The following HELQ variants were observed in gnomAD, a reference collection of about 807,000 sequenced individuals.
The protein encoded by HELQ is helicase POLQ-like.
HELQ carries 77 observed loss-of-function variants against 111.6 expected under a neutral mutation model. The observed-to-expected ratio is 0.69, with a 90% CI of 0.57 to 0.83. The LOEUF is 0.83. HELQ is among the 40% of genes least tolerant of loss of function. The pLI is 0.00. For missense variants in HELQ, 1,200 were observed against 1,288.5 expected, an observed-to-expected ratio of 0.93 and a Z score of 1.05; for synonymous variants, 438 against 454.7, an observed-to-expected ratio of 0.96 and a Z score of 0.47.
At chr4:83,440,241 A>C (rs973806603) in intron 7 of HELQ, among the ~76,000 whole-genome samples, 47 of 152,202 alleles carry the variant, frequency 3.1e-4, no homozygotes, top group Middle Eastern at 3.2e-3. Flanking sequence ...CTAAAAAAAA[A>C]CCTAGAATTA....
At chr4:83,422,736 G>A (rs932744182) in intron 14 of HELQ, among the ~76,000 whole-genome samples, 1 of 152,194 alleles carries the variant, frequency 6.6e-6, no homozygotes, top group African/African-American at 2.4e-5. Context: ...CCCATTTGTG[G>A]TAATTTGTTA....
intron 16 of HELQ, among the ~76,000 whole-genome samples, 158 bp downstream of exon 16, chr4:83,417,935 A>C (rs565787595): frequency 6.6e-6 from 1 of 152,238 alleles, no homozygotes; most frequent in Admixed American, 6.5e-5. Context: ...CTGGAAGGCC[A>C]TAACAGCTAT....
At chr4:83,412,426 G>C (rs895792347) in intron 17 of HELQ, among the ~76,000 whole-genome samples, 33 of 152,168 alleles carry the variant, frequency 2.2e-4, no homozygotes, top group Non-Finnish European at 3.7e-4. Context: ...TTCTTACAAT[G>C]ATGGGGCACT....
At chr4:83,417,550 G>A (rs143977365) in intron 16 of HELQ, among the ~76,000 whole-genome samples, 1 of 152,086 alleles carries the variant, frequency 6.6e-6, no homozygotes, top group African/African-American at 2.4e-5. Flanking sequence ...GGGACCACTG[G>A]TGTCTCTCTC....
chr4:83,408,275 C>T (rs936662479), intron 17 of HELQ, among the ~76,000 whole-genome samples: 47 of 151,306 alleles, frequency 3.1e-4, no homozygotes, highest in African/African-American at 8.2e-4. Flanking sequence ...CTTTTTTAGA[C>T]GGAGTCTTGT....
At position 83,453,256 on chromosome 4, in the gene HELQ, T is replaced by C. The variant is rs778304978; in HGVS notation, c.987A>G (p.Gln329=). The part of the protein sequence containing the change: ...LPSKVRDLYA[Q]FKGIEKLYEW... ...CATATAATTTTTCAATTCCCTTGAA[T>C]TGGGCATAAAGGTCTCTCACTTTGC... The change falls in exon 2 of 18, where the codon CAA becomes CAG. Residue 329 remains glutamine, a synonymous_variant. Coordinates refer to ENST00000295488, the MANE Select transcript of HELQ (RefSeq NM_133636.5). 3.1e-6 allele frequency: 5 copies of C among 1,607,368 alleles called. No individual in the cohort carries two copies. The highest frequency in any genetic ancestry group is 1.3e-5 in the African/African-American group (1 of 74,570).
chr4:83,433,089 T>C (rs1166395842), intron 9 of HELQ, among the ~76,000 whole-genome samples: 3 of 151,944 alleles, frequency 2.0e-5, no homozygotes, highest in African/African-American at 7.3e-5. Context: ...TCAATTATGT[T>C]CATATATACA....
chr4:83,447,556 C>T (rs146796256), intron 3 of HELQ, among the ~76,000 whole-genome samples: 64 of 152,104 alleles, frequency 4.2e-4, no homozygotes, highest in African/African-American at 1.3e-3. Context: ...TTTCAACTGG[C>T]GCCTTTGATA....
chr4:83,419,268 A>C (rs1183969453), intron 15 of HELQ, among the ~76,000 whole-genome samples: 1 of 151,248 alleles, frequency 6.6e-6, no homozygotes. Context: ...AAAAGATTGA[A>C]CACCCCTGCC....
intron 11 of HELQ, among the ~76,000 whole-genome samples, chr4:83,430,641 G>A (rs1227854102): frequency 6.6e-6 from 1 of 152,022 alleles, no homozygotes; most frequent in African/African-American, 2.4e-5. Context: ...ATTTCAACTG[G>A]AAAATTTAAG....
chr4:83,417,572 G>A lies in HELQ; in HGVS notation c.3063+521C>T, dbSNP rs140816179. Among the ~76,000 whole-genome samples the A allele has an allele frequency of 9.7e-4, 148 of 152,258 alleles. 2 individuals carry two copies. Among genetic ancestry groups the A allele is most frequent in the African/African-American group, 3.2e-3 (134 of 41,544 alleles). ...CTGGTGTCTCTCTCTGTGTGTGTGC[G>A]TGTGTCCTAAGCAGAACTCCTCTGA... is the stretch of plus-strand genomic sequence containing the variant. On this transcript the variant is annotated intron_variant, in intron 16 of 17. Transcript: ENST00000295488.
At chr4:83,421,527 T>C in intron 15 of HELQ, 36 bp downstream of exon 15, 1 of 1,522,326 alleles carries the variant, frequency 6.6e-7, no homozygotes, top group Non-Finnish European at 9.0e-7. Context: ...AACCAGAAGA[T>C]GCACAAAGTA....
rs747112217 is a variant in HELQ at position 83,429,762 on chromosome 4, A to G, written c.2296-16T>C. On this transcript the variant is annotated splice_polypyrimidine_tract_variant and intron_variant, in intron 11 of 17. Transcript: ENST00000295488. ...TCGTTGCAATCTGAAACAATTCAGG[A>G]TATCATTGGAGCATTTTCCTTAATT... 220 of 1,542,172 alleles carry G rather than the reference A, an allele frequency of 1.4e-4. No homozygotes were observed. The Admixed American group carries it at 3.7e-3, about 26-fold the overall frequency.
At chr4:83,447,476 C>T (rs530963425) in intron 3 of HELQ, among the ~76,000 whole-genome samples, 7 of 152,292 alleles carry the variant, frequency 4.6e-5, no homozygotes, top group East Asian at 1.9e-4. Context: ...GCAAGACATA[C>T]GTAAGAAATG....
chr4:83,454,164 T>C (rs1227344118), intron 1 of HELQ, among the ~76,000 whole-genome samples: 3 of 151,964 alleles, frequency 2.0e-5, no homozygotes, highest in Non-Finnish European at 4.4e-5. Flanking sequence ...GATCGCGCCA[T>C]TGCACTCCAA....
intron 17 of HELQ, among the ~76,000 whole-genome samples, chr4:83,413,715 A>G (rs942643571): frequency 2.0e-5 from 3 of 152,164 alleles, no homozygotes; most frequent in Non-Finnish European, 2.9e-5. Context: ...TTCTGCCTGG[A>G]TATCTTAAAA....
rs1352600470 is a variant in HELQ, at chr4:83,419,881, G to A, written c.2950-1675C>T. 2.0e-5 allele frequency among the ~76,000 whole-genome samples: 3 copies of A among 152,190 alleles called. No homozygotes were observed. The East Asian group carries it at 5.8e-4, about 29-fold the overall frequency. On this transcript the variant is annotated intron_variant, in intron 15 of 17. Coordinates refer to ENST00000295488, the MANE Select transcript of HELQ (RefSeq NM_133636.5). ...TAAAATAATTATCATTCAATTGAAA[G>A]CCAAGTATTTTTGAATTATTTACTC...
In HELQ at chr4:83,446,845, A is replaced by G. The variant is rs1721075268; in HGVS notation, c.1382T>C (p.Val461Ala). 2.5e-6 allele frequency: 4 copies of G among 1,609,694 alleles called. No homozygotes were observed. Among genetic ancestry groups the G allele is most frequent in the African/African-American group, 1.3e-5 (1 of 74,986 alleles). Residue 461 changes from valine to alanine, a missense_variant, in exon 4 of 18, where the codon GTT becomes GCT. By Grantham distance (64) the Val-to-Ala change is moderately conservative. This residue lies in a region of HELQ where 610 missense variants were observed against 607.1 expected (regional missense o/e 1.00). Coordinates refer to ENST00000295488, the MANE Select transcript of HELQ (RefSeq NM_133636.5). The stretch of plus-strand genomic sequence containing the variant: ...AAAGTATTAACCAACCTCGTCTACA[A>G]CAACCAGACCCAGACTGTCAATTCT... Reference protein sequence around the residue: ...TGRIDSLGLVVVDELHMIGEG... With the variant: ...TGRIDSLGLVAVDELHMIGEG...
At chr4:83,450,554 T>C in intron 2 of HELQ, among the ~76,000 whole-genome samples, 1 of 152,058 alleles carries the variant, frequency 6.6e-6, no homozygotes, top group East Asian at 1.9e-4. Flanking sequence ...AGTTATCAAA[T>C]TAGATGTTTA....
Sources: allele counts gnomAD v4.1 joint callset (sites outside exome capture counted in the v4.1 genomes callset), GRCh38; gene constraint gnomAD v4.1.1; regional missense constraint gnomAD v4.1.1; transcripts MANE v1.5; gene names NCBI Gene and HGNC (gene_info 2026-07-23, HGNC 2026-07-21).